Variants in AFTPH observed in about 807,000 individuals in gnomAD.
The protein encoded by AFTPH is aftiphilin.
In AFTPH, 7 loss-of-function variants were observed where a neutral mutation model predicts 72.5. The ratio of observed to expected loss-of-function variants is 0.10; its 90% CI spans 0.05 to 0.18. The LOEUF (loss-of-function observed/expected upper bound fraction) is 0.18, where lower values mean the gene tolerates loss of function less well. Ranked by LOEUF, AFTPH falls within the 10% of genes least tolerant of loss-of-function variation. The probability of loss-of-function intolerance (pLI) is 1.00; values close to 1 mark genes in which losing one functional copy is unlikely to be tolerated. For synonymous variants in AFTPH, 337 were observed against 370.1 expected, an observed-to-expected ratio of 0.91 and a Z score of 1.03; for missense variants, 979 against 1,060.5, an observed-to-expected ratio of 0.92 and a Z score of 1.07.
chr2:64,550,724 CACACACAA>C lies in AFTPH; in HGVS notation c.-32-718_-32-711del, dbSNP rs1336680728. ...ACACACACACACACACACACACACA[CACACACAA>C]CTGGTGAAATCCAAACAAGGTCTGT... On this transcript the variant is annotated intron_variant, in intron 1 of 8. Coordinates refer to ENST00000238856, the Ensembl canonical transcript of AFTPH. 1.0e-3 allele frequency among the ~76,000 whole-genome samples: 134 copies of C among 127,946 alleles called. 2 individuals carry two copies. The highest frequency in any genetic ancestry group is 3.7e-3 in the African/African-American group (122 of 32,624). The allele number at this position is 127,946 out of a possible 152,430, so 83.9% of individuals were successfully genotyped here.
At chr2:64,536,565 TTAAAAAAAA>T (rs1209427415) in intron 1 of AFTPH, among the ~76,000 whole-genome samples, 48 of 90,952 alleles carry the variant, frequency 5.3e-4, no homozygotes, top group African/African-American at 4.2e-3. Flanking sequence ...AGACTCCATC[TTAAAAAAAA>T]AAAAAAAAAA....
chr2:64,560,644 G>A (rs1242042452), intron 2 of AFTPH, among the ~76,000 whole-genome samples: 1 of 152,154 alleles, frequency 6.6e-6, no homozygotes, highest in Non-Finnish European at 1.5e-5. Flanking sequence ...AGGCCAAGGC[G>A]GATGGATCAC....
chr2:64,565,135 G>C (rs1157649587), intron 2 of AFTPH, among the ~76,000 whole-genome samples: 1 of 151,838 alleles, frequency 6.6e-6, no homozygotes, highest in African/African-American at 2.4e-5. Flanking sequence ...CACTGCACCT[G>C]GCTGGAAATT....
At chr2:64,549,310 T>C (rs1670878980) in intron 1 of AFTPH, among the ~76,000 whole-genome samples, 1 of 15,820 alleles carries the variant, frequency 6.3e-5, no homozygotes, top group Non-Finnish European at 9.7e-5. Context: ...AGTCCTCCCT[T>C]TTTTTTTTTT....
At chr2:64,548,407 G>GAAAAAAA (rs57995634) in intron 1 of AFTPH, among the ~76,000 whole-genome samples, 64 of 59,982 alleles carry the variant, frequency 1.1e-3, no homozygotes, top group African/African-American at 2.1e-3. Flanking sequence ...CTCAAAAAAA[G>GAAAAAAA]AAAAAAAAAA....
chr2:64,528,639 A>G (rs1238612918), intron 1 of AFTPH, among the ~76,000 whole-genome samples: 1 of 152,098 alleles, frequency 6.6e-6, no homozygotes, highest in Non-Finnish European at 1.5e-5. Flanking sequence ...TTAAACCTGA[A>G]GAAGGGGAAG....
At chr2:64,534,517 G>T (rs1444996132) in intron 1 of AFTPH, among the ~76,000 whole-genome samples, 1 of 152,052 alleles carries the variant, frequency 6.6e-6, no homozygotes, top group Non-Finnish European at 1.5e-5. Context: ...CCATATTTCA[G>T]ATTCTGTGCC....
At position 64,549,308 on chromosome 2, in the gene AFTPH, C is replaced by CTTTTTTTTTTTTT. The variant is rs34951706; in HGVS notation, c.-32-2117_-32-2105dup. The stretch of plus-strand genomic sequence containing the variant: ...CTAGGACTTTGGCTGTTAGTCCTCC[C>CTTTTTTTTTTTTT]TTTTTTTTTTTTTTTTTTTTTTTTT... On this transcript the variant is annotated intron_variant, in intron 1 of 8. Coordinates refer to ENST00000238856, the Ensembl canonical transcript of AFTPH. Among the ~76,000 whole-genome samples the CTTTTTTTTTTTTT allele has an allele frequency of 3.6e-4, 20 of 56,030 alleles. 1 individual carries two copies. Among genetic ancestry groups the CTTTTTTTTTTTTT allele is most frequent in the African/African-American group, 1.2e-3 (20 of 16,398 alleles). 36.8% of individuals were successfully genotyped at this position (56,030 alleles called of 152,430 possible).
rs558447094 is a variant in AFTPH at position 64,560,837 on chromosome 2, C to T, written c.1936-6725C>T. Among the ~76,000 whole-genome samples, 128 of 152,272 alleles carry T rather than the reference C, an allele frequency of 8.4e-4. 2 individuals carry two copies. The highest frequency in any genetic ancestry group is 7.5e-3 in the Admixed American group (115 of 15,296). On this transcript the variant is annotated intron_variant, in intron 2 of 8. Transcript: ENST00000238856. ...GCAGTGACCCGAGATCGTACCACTG[C>T]ACTCCATCCTGAGTGACAGAGCGAA...
chr2:64,565,260 G>C (rs755284161), intron 2 of AFTPH, among the ~76,000 whole-genome samples: 1 of 151,836 alleles, frequency 6.6e-6, no homozygotes, highest in South Asian at 2.1e-4. Flanking sequence ...GGTGGATCAC[G>C]AGGTCAGGAG....
intron 7 of AFTPH, among the ~76,000 whole-genome samples, chr2:64,582,514 T>C (rs1330180168): frequency 4.6e-5 from 7 of 152,212 alleles, no homozygotes; most frequent in Non-Finnish European, 2.9e-5. Context: ...CTGTCTGGTT[T>C]TGACTTCAAA....
rs558662355 is a variant in AFTPH at position 64,524,355 on chromosome 2, G to A, written c.-290G>A. ...TGCATGATGGGAGAGTGTGTGGAGT[G>A]GGCGGGGGGTCTCCGCGGAGGAGGT... On this transcript the variant is annotated 5_prime_UTR_variant, in exon 1 of 9. An upstream open reading frame in the 5' UTR gains an earlier in-frame stop. Transcript: ENST00000238856. The A allele has an allele frequency of 6.7e-5, 27 of 402,112 alleles. No homozygotes were observed. Among genetic ancestry groups the A allele is most frequent in the African/African-American group, 4.7e-4 (23 of 48,772 alleles). 24.9% of individuals were successfully genotyped at this position (402,112 alleles called of 1,614,324 possible). A position where few individuals can be genotyped will look rare whatever the true frequency, so the allele number is the denominator to read the frequency against.
intron 5 of AFTPH, among the ~76,000 whole-genome samples, chr2:64,572,615 A>G (rs535513314): frequency 6.6e-6 from 1 of 152,184 alleles, no homozygotes. Flanking sequence ...TTAAAATACA[A>G]AGTCTTGCTT....
exon 5 of AFTPH, chr2:64,569,663 T>A (rs1455744385): frequency 6.2e-7 from 1 of 1,613,758 alleles, no homozygotes; most frequent in Admixed American, 1.7e-5. Context: ...ATAGTGCCCA[T>A]GTATGCAGCA....
chr2:64,579,858 A>C (rs1673064216), intron 7 of AFTPH: 1 of 231,692 alleles, frequency 4.3e-6, no homozygotes, highest in South Asian at 1.6e-4. Context: ...ATTTACCTTG[A>C]ATTTTTTTCT....
chr2:64,562,183 T>C (rs1439657477), intron 2 of AFTPH, among the ~76,000 whole-genome samples: 1 of 152,074 alleles, frequency 6.6e-6, no homozygotes, highest in African/African-American at 2.4e-5. Flanking sequence ...AAGCATAATA[T>C]GGTATATGGG....
At chr2:64,583,311 T>C (rs1673318399) in intron 7 of AFTPH, among the ~76,000 whole-genome samples, 1 of 125,416 alleles carries the variant, frequency 8.0e-6, no homozygotes, top group East Asian at 2.1e-4. Flanking sequence ...TCATTAAGGC[T>C]CTGTTAAAAA....
intron 7 of AFTPH, 193 bp downstream of exon 7, chr2:64,579,739 C>T: frequency 6.5e-6 from 3 of 459,980 alleles, no homozygotes; most frequent in Non-Finnish European, 3.8e-6. Flanking sequence ...GTATTAATGT[C>T]CAAATATAGG....
At chr2:64,575,739 GTGTA>G (rs1337888424) in intron 6 of AFTPH, among the ~76,000 whole-genome samples, 92 of 111,244 alleles carry the variant, frequency 8.3e-4, no homozygotes, top group Middle Eastern at 0.011. Context: ...GTGTGTGTGT[GTGTA>G]TATATTTTTT....
Sources: allele counts gnomAD v4.1 joint callset (sites outside exome capture counted in the v4.1 genomes callset), GRCh38; gene constraint gnomAD v4.1.1; transcripts MANE v1.5; gene names NCBI Gene and HGNC (gene_info 2026-07-23, HGNC 2026-07-21).